Variants in CACNA1E observed in about 807,000 individuals in gnomAD.
CACNA1E encodes calcium voltage-gated channel subunit alpha1 E.
Under a neutral mutation model 259.2 loss-of-function variants are expected in CACNA1E, and 40 were observed. That is an observed-to-expected ratio of 0.15 (90% CI 0.12 to 0.20). The LOEUF is 0.20. Among genes scored for constraint, CACNA1E ranks in the 10% least tolerant of loss-of-function variants. CACNA1E has a pLI of 1.00. For missense variants in CACNA1E, 1,874 were observed against 3,040.1 expected (o/e 0.62, Z 9.02); for synonymous variants, 1,104 against 1,138.5 (o/e 0.97, Z 0.61).
At chr1:181,432,470 A>C (rs1342081719) in intron 2 of CACNA1E, among the ~76,000 whole-genome samples, 1 of 152,170 alleles carries the variant, frequency 6.6e-6, no homozygotes, top group East Asian at 1.9e-4. Context: ...TAAAATAACA[A>C]AAAAATGTTT....
intron 1 of CACNA1E, among the ~76,000 whole-genome samples, chr1:181,323,848 C>T (rs1650559761): frequency 6.6e-6 from 1 of 152,176 alleles, no homozygotes; most frequent in Non-Finnish European, 1.5e-5. Context: ...GGATCTCAGA[C>T]TCTGGGTTAA....
At chr1:181,428,943 A>G (rs563830448) in intron 2 of CACNA1E, among the ~76,000 whole-genome samples, 1 of 152,214 alleles carries the variant, frequency 6.6e-6, no homozygotes, top group Admixed American at 6.5e-5. Flanking sequence ...GCACTTTGGG[A>G]GGTTGAAGTG....
intron 3 of CACNA1E, among the ~76,000 whole-genome samples, chr1:181,545,080 C>T (rs1016301474): frequency 8.6e-5 from 13 of 151,876 alleles, no homozygotes; most frequent in African/African-American, 1.2e-4. Context: ...TCATGGACCA[C>T]GGTAAAAACA....
At chr1:181,456,627 A>T (rs1558018437) in intron 2 of CACNA1E, among the ~76,000 whole-genome samples, 1 of 152,148 alleles carries the variant, frequency 6.6e-6, no homozygotes, top group Non-Finnish European at 1.5e-5. Context: ...GGCTGCTAAG[A>T]GCAGTAGATC....
rs373540440 is a variant in CACNA1E, at chr1:181,731,252, G to A, written c.2297+21G>A. Reference sequence around the variant, plus strand: ...CACCTGTATGTGTGTACCAGTTTGCGTGTTTGTGAGTGGTTACGTGTGGGC... The same window carrying A: ...CACCTGTATGTGTGTACCAGTTTGCATGTTTGTGAGTGGTTACGTGTGGGC... On this transcript the variant is annotated intron_variant, in intron 19 of 47. Coordinates refer to ENST00000367573, the MANE Select transcript of CACNA1E (RefSeq NM_001205293.3). 4.9e-4 allele frequency: 778 copies of A among 1,600,002 alleles called. No individual in the cohort carries two copies. Among genetic ancestry groups the A allele is most frequent in the Non-Finnish European group, 6.2e-4 (726 of 1,167,424 alleles).
chr1:181,593,527 C>G (rs1652864402), intron 6 of CACNA1E, among the ~76,000 whole-genome samples: 1 of 152,176 alleles, frequency 6.6e-6, no homozygotes, highest in African/African-American at 2.4e-5. Context: ...CTTCCAAATT[C>G]AAACATGTTT....
intron 2 of CACNA1E, among the ~76,000 whole-genome samples, chr1:181,439,806 C>G (rs1360825058): frequency 3.3e-5 from 5 of 152,084 alleles, no homozygotes; most frequent in Admixed American, 2.0e-4. Context: ...CCAAATTTAT[C>G]CCCACAGGGA....
intron 7 of CACNA1E, among the ~76,000 whole-genome samples, chr1:181,694,949 A>G (rs1651552425): frequency 6.6e-6 from 1 of 152,224 alleles, no homozygotes; most frequent in African/African-American, 2.4e-5. Flanking sequence ...TTTTTCACAG[A>G]TAACATGATT....
At chr1:181,661,148 G>A (rs757411057) in intron 7 of CACNA1E, among the ~76,000 whole-genome samples, 4 of 152,184 alleles carry the variant, frequency 2.6e-5, no homozygotes, top group African/African-American at 4.8e-5. Flanking sequence ...GAGGCTCATC[G>A]AGAAGGGCTT....
At position 181,803,929 on chromosome 1, in the gene CACNA1E, C is replaced by T. The variant is rs1662453976; in HGVS notation, c.*5095C>T. 1 of 152,210 alleles carries T rather than the reference C, an allele frequency of 6.6e-6. No individual in the cohort carries two copies. Among genetic ancestry groups the T allele is most frequent in the Admixed American group, 6.5e-5 (1 of 15,282 alleles). 9.4% of individuals were successfully genotyped at this position (152,210 alleles called of 1,614,324 possible). On this transcript the variant is annotated 3_prime_UTR_variant, in exon 48 of 48. Coordinates refer to ENST00000367573, the MANE Select transcript of CACNA1E (RefSeq NM_001205293.3). Reference sequence around the variant, plus strand: ...ATGGCTTTTGAGGCTGGGACACCCCCAAACTGCCCTTCTGTTTTTGTAGTT... The same window carrying T: ...ATGGCTTTTGAGGCTGGGACACCCCTAAACTGCCCTTCTGTTTTTGTAGTT...
intron 3 of CACNA1E, among the ~76,000 whole-genome samples, chr1:181,532,207 TTGAG>T (rs1249113007): frequency 6.6e-6 from 1 of 152,206 alleles, no homozygotes; most frequent in African/African-American, 2.4e-5. Flanking sequence ...TATTTTCTGT[TTGAG>T]TGTTTGTTGT....
chr1:181,747,449 CA>C (rs143666043), intron 25 of CACNA1E, among the ~76,000 whole-genome samples: 36,736 of 117,090 alleles, frequency 0.31, 4,684 homozygotes, highest in South Asian at 0.42. Flanking sequence ...AAAAATCTGT[CA>C]TTTTTTTTTT....
chr1:181,803,271 C>CAGGAAAGAAGGAAG lies in CACNA1E; in HGVS notation c.*4438_*4439insGGAAAGAAGGAAGA, dbSNP rs11272477. The CAGGAAAGAAGGAAG allele has an allele frequency of 0.15, 23,008 of 152,106 alleles. 2,869 individuals are homozygous for CAGGAAAGAAGGAAG. The highest frequency in any genetic ancestry group is 0.36 in the East Asian group (1,842 of 5,166). The allele number at this position is 152,106 out of a possible 1,614,324, so 9.4% of individuals were successfully genotyped here. ...AAAGAAGGAAGAAGTGGGTCCCTTG[C>CAGGAAAGAAGGAAG]AAGTGGCCAGACAGGGAATGATGGT... On this transcript the variant is annotated 3_prime_UTR_variant, in exon 48 of 48. Coordinates refer to ENST00000367573, the MANE Select transcript of CACNA1E (RefSeq NM_001205293.3).
chr1:181,595,518 C>T (rs1007789303), intron 6 of CACNA1E, among the ~76,000 whole-genome samples: 1 of 152,202 alleles, frequency 6.6e-6, no homozygotes, highest in Non-Finnish European at 1.5e-5. Flanking sequence ...TTTCAGCAGG[C>T]CTGTATCTCT....
At chr1:181,742,181 T>C (rs1367314378) in intron 25 of CACNA1E, among the ~76,000 whole-genome samples, 9 of 152,184 alleles carry the variant, frequency 5.9e-5, no homozygotes, top group Admixed American at 5.9e-4. Context: ...GCCCTGTTCC[T>C]TTCCTCATTA....
At chr1:181,404,390 G>A (rs1003240980) in intron 1 of CACNA1E, among the ~76,000 whole-genome samples, 6 of 152,168 alleles carry the variant, frequency 3.9e-5, no homozygotes, top group Non-Finnish European at 8.8e-5. Context: ...ATCGTGCTCA[G>A]TATGCATTTA....
At chr1:181,577,628 G>A (rs1237454098) in intron 3 of CACNA1E, 138 bp from the exon 4 acceptor site, 3 of 532,390 alleles carry the variant, frequency 5.6e-6, no homozygotes, top group African/African-American at 2.0e-5. Flanking sequence ...ATTCACCCAA[G>A]CTCAGGTGCA....
intron 2 of CACNA1E, among the ~76,000 whole-genome samples, chr1:181,433,664 G>A (rs529581137): frequency 2.6e-5 from 4 of 152,174 alleles, no homozygotes; most frequent in Non-Finnish European, 5.9e-5. Flanking sequence ...TAAGCATTAC[G>A]TATACATGTA....
intron 1 of CACNA1E, among the ~76,000 whole-genome samples, chr1:181,343,191 C>CTGGGG (rs1275156346): frequency 6.6e-6 from 1 of 151,872 alleles, no homozygotes; most frequent in Non-Finnish European, 1.5e-5. Flanking sequence ...GTGGAGGAGG[C>CTGGGG]TGGAGGGAGA....
Sources: gnomAD v4.1 joint callset for allele counts (sites outside exome capture counted in the v4.1 genomes callset) on GRCh38, gnomAD v4.1.1 for gene constraint, MANE v1.5 for transcripts, NCBI Gene and HGNC (gene_info 2026-07-23, HGNC 2026-07-21) for gene names.